CDH13: variants seen among roughly 807,000 people sequenced by gnomAD.
The protein encoded by CDH13 is cadherin-13.
CDH13 carries 24 observed loss-of-function variants against 63.8 expected under a neutral mutation model. That is an observed-to-expected ratio of 0.38 (90% confidence interval 0.27 to 0.53). The LOEUF (loss-of-function observed/expected upper bound fraction) is 0.53, where lower values mean the gene tolerates loss of function less well. Among genes scored for constraint, CDH13 ranks in the 20% least tolerant of loss-of-function variants. The pLI is 0.85. For missense variants in CDH13, 1,049 were observed against 903.1 expected (o/e 1.16, Z -2.07); for synonymous variants, 503 against 355.3 (o/e 1.42, Z -4.67).
intron 5 of CDH13, among the ~76,000 whole-genome samples, chr16:83,304,134 G>A (rs1054751628): frequency 6.6e-6 from 1 of 152,168 alleles, no homozygotes; most frequent in Non-Finnish European, 1.5e-5. Flanking sequence ...ACTAGTAATA[G>A]GAGATAAGGC....
chr16:83,540,413 C>G (rs1483228712), intron 7 of CDH13, among the ~76,000 whole-genome samples: 1 of 152,100 alleles, frequency 6.6e-6, no homozygotes, highest in Non-Finnish European at 1.5e-5. Flanking sequence ...TAATATAAAC[C>G]TGTGTTCAGT....
intron 4 of CDH13, among the ~76,000 whole-genome samples, chr16:83,170,356 T>A (rs2037865889): frequency 6.6e-6 from 1 of 152,052 alleles, no homozygotes; most frequent in Non-Finnish European, 1.5e-5. Flanking sequence ...TCAGGGGTGG[T>A]GAGAGATCAG....
intron 5 of CDH13, among the ~76,000 whole-genome samples, chr16:83,252,137 T>TATAC (rs747000950): frequency 6.9e-5 from 2 of 28,786 alleles, no homozygotes; most frequent in Non-Finnish European, 2.2e-4. Flanking sequence ...CACATATATA[T>TATAC]GTATATATAT....
intron 1 of CDH13, among the ~76,000 whole-genome samples, chr16:82,822,884 G>A (rs559487046): frequency 3.9e-5 from 6 of 152,058 alleles, no homozygotes; most frequent in East Asian, 1.9e-4. Context: ...TCTGGGCTCC[G>A]CTAGGTGGAT....
At chr16:83,152,362 G>C (rs561183055) in intron 4 of CDH13, among the ~76,000 whole-genome samples, 3 of 152,020 alleles carry the variant, frequency 2.0e-5, no homozygotes, top group Non-Finnish European at 4.4e-5. Flanking sequence ...TAAACATATA[G>C]AAAAATGCAT....
At chr16:83,659,725 T>G (rs1414718123) in intron 8 of CDH13, among the ~76,000 whole-genome samples, 1 of 151,858 alleles carries the variant, frequency 6.6e-6, no homozygotes, top group East Asian at 1.9e-4. Flanking sequence ...GAACTGGGAC[T>G]CAGAGATCTT....
At chr16:83,784,306 C>T (rs1254992592) in intron 13 of CDH13, among the ~76,000 whole-genome samples, 1 of 152,082 alleles carries the variant, frequency 6.6e-6, no homozygotes, top group African/African-American at 2.4e-5. Flanking sequence ...GTATATAAAG[C>T]TCTGTGCAAG....
intron 6 of CDH13, among the ~76,000 whole-genome samples, chr16:83,481,813 C>T (rs886467333): frequency 6.6e-6 from 1 of 152,110 alleles, no homozygotes; most frequent in Non-Finnish European, 1.5e-5. Flanking sequence ...TGTGGAAGCC[C>T]CAATGCGTGT....
chr16:82,964,846 T>G (rs1220576683), intron 2 of CDH13, among the ~76,000 whole-genome samples: 1 of 152,212 alleles, frequency 6.6e-6, no homozygotes, highest in Non-Finnish European at 1.5e-5. Flanking sequence ...TTTTTCTTCC[T>G]TGTTGCTGTC....
At chr16:83,120,167 A>G (rs984356424) in intron 3 of CDH13, among the ~76,000 whole-genome samples, 3 of 152,096 alleles carry the variant, frequency 2.0e-5, no homozygotes, top group African/African-American at 7.2e-5. Context: ...TTCCCGAATC[A>G]GAGCTTCCTG....
At chr16:83,449,513 C>A (rs1348203656) in intron 6 of CDH13, among the ~76,000 whole-genome samples, 1 of 152,142 alleles carries the variant, frequency 6.6e-6, no homozygotes, top group Non-Finnish European at 1.5e-5. Context: ...TGAATCAAAG[C>A]AAATTAATTC....
intron 3 of CDH13, among the ~76,000 whole-genome samples, chr16:83,092,083 A>T (rs74033132): frequency 3.9e-5 from 6 of 152,262 alleles, no homozygotes; most frequent in African/African-American, 1.4e-4. Flanking sequence ...TTAAAGAACC[A>T]TGAAATAATA....
intron 5 of CDH13, among the ~76,000 whole-genome samples, chr16:83,334,359 TCTCACACACACACA>T (rs1268404182): frequency 7.9e-5 from 7 of 88,536 alleles, no homozygotes; most frequent in Admixed American, 2.2e-4. Context: ...TCTCTCTCTC[TCTCACACACACACA>T]CACACACACA....
At chr16:83,407,131 A>G (rs2092059390) in intron 6 of CDH13, among the ~76,000 whole-genome samples, 1 of 152,160 alleles carries the variant, frequency 6.6e-6, no homozygotes, top group Non-Finnish European at 1.5e-5. Context: ...GCCCTCTGGG[A>G]GCAGGAAGAC....
chr16:83,659,978 G>C (rs895075583), intron 8 of CDH13, among the ~76,000 whole-genome samples: 1 of 151,886 alleles, frequency 6.6e-6, no homozygotes, highest in African/African-American at 2.4e-5. Flanking sequence ...GTAGAGACGG[G>C]ATTTCGCCAT....
intron 6 of CDH13, among the ~76,000 whole-genome samples, chr16:83,368,937 T>C (rs191496669): frequency 0.41 from 27,773 of 67,682 alleles, 6,748 homozygotes; most frequent in East Asian, 0.83. Context: ...TATATATATA[T>C]ACTAGGTTTT....
intron 4 of CDH13, among the ~76,000 whole-genome samples, chr16:83,214,964 C>A (rs2039452694): frequency 6.6e-6 from 1 of 151,340 alleles, no homozygotes; most frequent in African/African-American, 2.4e-5. Context: ...CTCTTGACCT[C>A]ATGGGGCTTC....
intron 11 of CDH13, among the ~76,000 whole-genome samples, chr16:83,755,003 T>A (rs1913390559): frequency 6.6e-6 from 1 of 152,058 alleles, no homozygotes; most frequent in Non-Finnish European, 1.5e-5. Flanking sequence ...GTGTAAGTGA[T>A]GAACAAGAGA....
chr16:83,675,652 T>C (rs1482990799), intron 9 of CDH13, among the ~76,000 whole-genome samples: 2 of 152,292 alleles, frequency 1.3e-5, no homozygotes, highest in African/African-American at 2.4e-5. Flanking sequence ...AACAATCCTC[T>C]GTACTAGGAT....
Sources: allele counts gnomAD v4.1 joint callset (sites outside exome capture counted in the v4.1 genomes callset), GRCh38; gene constraint gnomAD v4.1.1; transcripts MANE v1.5; gene names NCBI Gene and HGNC (gene_info 2026-07-23, HGNC 2026-07-21).